GRM5: variants seen among roughly 807,000 people sequenced by gnomAD.
The protein encoded by GRM5 is glutamate metabotropic receptor 5.
A neutral mutation model predicts 83.1 loss-of-function variants in GRM5; 19 were observed. The ratio of observed to expected loss-of-function variants is 0.23; its 90% CI spans 0.16 to 0.34. The LOEUF is 0.34. Among genes scored for constraint, GRM5 ranks in the 10% least tolerant of loss-of-function variants. The pLI, the probability that GRM5 is intolerant of heterozygous loss-of-function variation, is 1.00. For missense variants in GRM5, 1,160 were observed against 1,588.3 expected, an observed-to-expected ratio of 0.73 and a Z score of 4.58; for synonymous variants, 675 against 633.6, an observed-to-expected ratio of 1.07 and a Z score of -0.98.
chr11:88,838,892 C>A (rs1470507715), intron 3 of GRM5, among the ~76,000 whole-genome samples: 1 of 151,788 alleles, frequency 6.6e-6, no homozygotes, highest in Non-Finnish European at 1.5e-5. Context: ...CACACACACA[C>A]ACACACACAC....
In GRM5 at chr11:89,047,476, A is replaced by G; in HGVS notation, c.397T>C (p.Ser133Pro). Reference sequence around the variant, plus strand: ...TTCTTGGAGCGGAAGGAAGAGGAGGAGCCATCCACACAGCGTACCAAGCCT... The same window carrying G: ...TTCTTGGAGCGGAAGGAAGAGGAGGGGCCATCCACACAGCGTACCAAGCCT... Reference protein sequence around the residue: ...EEGLVRCVDGSSSSFRSKKPI... With the variant: ...EEGLVRCVDGPSSSFRSKKPI... Residue 133 changes from serine (S) to proline (P), a missense_variant, in exon 2 of 10, where the codon TCC becomes CCC. Physicochemically the swap from Ser to Pro is moderately conservative, Grantham distance 74. Coordinates refer to ENST00000305447, the MANE Select transcript of GRM5 (RefSeq NM_001143831.3). This position sits in a 1 kb window ranked among gnomAD's most constrained non-coding sequence, Gnocchi z 5.1. 1.2e-6 allele frequency: 2 copies of G among 1,614,196 alleles called. No homozygotes were observed. The highest frequency in any genetic ancestry group is 1.1e-5 in the South Asian group (1 of 91,092).
chr11:88,976,350 CG>C lies in GRM5; in HGVS notation c.661+70861del, dbSNP rs1180823380. On this transcript the variant is annotated intron_variant, in intron 2 of 9. Coordinates refer to ENST00000305447, the MANE Select transcript of GRM5 (RefSeq NM_001143831.3). ...ACCTGGCTGGAGTGTACTTCGGTCT[CG>C]TGAATCTTGCGAATCTACCATTTCC... 1.1e-4 allele frequency among the ~76,000 whole-genome samples: 16 copies of C among 152,216 alleles called. 1 individual carries two copies. In the South Asian group the frequency reaches 3.1e-3, roughly 30 times the overall value.
chr11:88,735,693 A>T (rs1394505198), intron 3 of GRM5, among the ~76,000 whole-genome samples: 2 of 152,062 alleles, frequency 1.3e-5, no homozygotes, highest in Admixed American at 6.6e-5. Context: ...CTGTCTTCCC[A>T]TTAATTTATA....
chr11:88,667,408 T>C (rs190062031), intron 3 of GRM5, among the ~76,000 whole-genome samples: 1 of 152,076 alleles, frequency 6.6e-6, no homozygotes, highest in African/African-American at 2.4e-5. Context: ...ATAAGTATGA[T>C]GAATCCAAGC....
rs369951090 is a variant in GRM5 at position 88,928,907 on chromosome 11, T to TATATATATATACACACACACAC, written c.662-78753_662-78752insGTGTGTGTGTGTATATATATAT. 1.1e-4 allele frequency among the ~76,000 whole-genome samples: 15 copies of TATATATATATACACACACACAC among 138,674 alleles called. 1 individual carries two copies. Among genetic ancestry groups the TATATATATATACACACACACAC allele is most frequent in the Non-Finnish European group, 2.3e-4 (15 of 65,078 alleles). The allele number at this position is 138,674 out of a possible 152,430, so 91.0% of individuals were successfully genotyped here. A position where few individuals can be genotyped will look rare whatever the true frequency, so the allele number is the denominator to read the frequency against. Reference sequence around the variant, plus strand: ...GTTTGTACCTATGTGTATGTGTATATACACACACACACACACACACACACA... The same window carrying TATATATATATACACACACACAC: ...GTTTGTACCTATGTGTATGTGTATATATATATATATACACACACACACACACACACACACACACACACACACA... On this transcript the variant is annotated intron_variant, in intron 2 of 9. Coordinates refer to ENST00000305447, the MANE Select transcript of GRM5 (RefSeq NM_001143831.3).
At chr11:88,513,600 A>C (rs1260418968) in intron 9 of GRM5, among the ~76,000 whole-genome samples, 1 of 152,196 alleles carries the variant, frequency 6.6e-6, no homozygotes, top group Non-Finnish European at 1.5e-5. Context: ...TATCTGTCTT[A>C]GTAAAATTGC....
intron 3 of GRM5, among the ~76,000 whole-genome samples, chr11:88,801,730 TAGTA>T (rs1351907863): frequency 2.6e-5 from 4 of 152,096 alleles, no homozygotes; most frequent in African/African-American, 4.8e-5. Flanking sequence ...TTCACAGAGA[TAGTA>T]AGTATAGTCA....
At chr11:88,806,269 T>A (rs1943497970) in intron 3 of GRM5, among the ~76,000 whole-genome samples, 1 of 152,228 alleles carries the variant, frequency 6.6e-6, no homozygotes, top group African/African-American at 2.4e-5. Context: ...TCTGTTTTTC[T>A]AAAATGATCC....
intron 8 of GRM5, among the ~76,000 whole-genome samples, chr11:88,559,914 G>A (rs183657859): frequency 5.1e-4 from 78 of 152,232 alleles, no homozygotes; most frequent in Middle Eastern, 3.4e-3. Flanking sequence ...CATAAGGAGG[G>A]GAACTTAATG....
At chr11:88,581,619 T>C (rs935016413) in intron 7 of GRM5, among the ~76,000 whole-genome samples, 5 of 152,212 alleles carry the variant, frequency 3.3e-5, no homozygotes, top group Non-Finnish European at 5.9e-5. Flanking sequence ...GGTGAGTGTG[T>C]AATGTAGTGA....
chr11:88,902,296 T>C (rs565936182), intron 2 of GRM5, among the ~76,000 whole-genome samples: 23 of 152,084 alleles, frequency 1.5e-4, no homozygotes, highest in Non-Finnish European at 2.5e-4. Flanking sequence ...TTAATAGTCA[T>C]GTGGACTTGG....
chr11:88,678,029 C>A (rs180843371), intron 3 of GRM5, among the ~76,000 whole-genome samples: 1 of 149,364 alleles, frequency 6.7e-6, no homozygotes, highest in African/African-American at 2.5e-5. Context: ...AGATTACAAA[C>A]GTGATGCATT....
intron 3 of GRM5, among the ~76,000 whole-genome samples, chr11:88,685,053 T>G (rs1007037187): frequency 1.3e-5 from 2 of 152,100 alleles, no homozygotes; most frequent in African/African-American, 2.4e-5. Context: ...AGGCAAAAGT[T>G]CGAACAGTTT....
At chr11:88,585,773 A>G (rs1400228368) in intron 7 of GRM5, among the ~76,000 whole-genome samples, 4 of 152,208 alleles carry the variant, frequency 2.6e-5, no homozygotes, top group African/African-American at 9.6e-5. Flanking sequence ...TGGAAAAATT[A>G]TCTCCATGAG....
chr11:88,563,356 C>A (rs1942799990), intron 8 of GRM5, among the ~76,000 whole-genome samples: 2 of 152,082 alleles, frequency 1.3e-5, no homozygotes, highest in African/African-American at 2.4e-5. Flanking sequence ...TTTCCAGGAG[C>A]CTGTACAAAC....
rs553223336 is a variant in GRM5, at chr11:88,787,001, G to A, written c.911+62905C>T. 2.6e-5 allele frequency among the ~76,000 whole-genome samples: 4 copies of A among 152,130 alleles called. No individual in the cohort carries two copies. The South Asian group carries it at 8.3e-4, about 32-fold the overall frequency. On this transcript the variant is annotated intron_variant, in intron 3 of 9. Transcript: ENST00000305447. ...AATGTTTCAGATGCCCTTTGAAGAT[G>A]GCTGTTAGGTGGAAAAGACTGACAG...
chr11:88,941,191 C>T (rs1442816232), intron 2 of GRM5, among the ~76,000 whole-genome samples: 4 of 151,606 alleles, frequency 2.6e-5, no homozygotes, highest in African/African-American at 9.7e-5. Context: ...CCTGAAGCAC[C>T]TTAATGTGCC....
At chr11:89,005,226 T>G (rs964276196) in intron 2 of GRM5, among the ~76,000 whole-genome samples, 1 of 152,188 alleles carries the variant, frequency 6.6e-6, no homozygotes, top group Non-Finnish European at 1.5e-5. Context: ...AGAAAGAAAT[T>G]TGAAGTTGTC....
chr11:88,942,595 G>A (rs537261926), intron 2 of GRM5, among the ~76,000 whole-genome samples: 2 of 151,916 alleles, frequency 1.3e-5, no homozygotes, highest in African/African-American at 4.8e-5. Flanking sequence ...TTAAACATAA[G>A]CCTCTCACAC....
Sources: allele counts gnomAD v4.1 joint callset (sites outside exome capture counted in the v4.1 genomes callset), GRCh38; gene constraint gnomAD v4.1.1; non-coding constraint Gnocchi (gnomAD v3.1); transcripts MANE v1.5; gene names NCBI Gene and HGNC (gene_info 2026-07-23, HGNC 2026-07-21).